The following R3HCC1L variants were observed in gnomAD, a reference collection of about 807,000 sequenced individuals.
R3HCC1L encodes the protein coiled-coil domain-containing protein R3HCC1L.
In R3HCC1L, 51 loss-of-function variants were observed where a neutral mutation model predicts 59.9. The ratio of observed to expected loss-of-function variants is 0.85; its 90% confidence interval spans 0.68 to 1.07. The LOEUF is 1.07. R3HCC1L is among the 50% of genes least tolerant of loss of function. The pLI is 0.00. For missense variants in R3HCC1L, 965 were observed against 933.0 expected (o/e 1.03, Z -0.45); for synonymous variants, 322 against 315.2 (o/e 1.02, Z -0.23).
At chr10:98,202,545 G>A (rs966787390) in intron 4 of R3HCC1L, among the ~76,000 whole-genome samples, 6 of 152,048 alleles carry the variant, frequency 3.9e-5, no homozygotes, top group African/African-American at 1.4e-4. Flanking sequence ...CTTACATAAG[G>A]AGCATTCTCT....
intron 9 of R3HCC1L, 95 bp downstream of exon 9, chr10:98,236,259 G>A: frequency 6.8e-7 from 1 of 1,479,420 alleles, no homozygotes; most frequent in Non-Finnish European, 9.1e-7. Context: ...TTCCATTTTT[G>A]TCGTTTCTGT....
At chr10:98,191,916 G>A (rs948749202) in intron 4 of R3HCC1L, among the ~76,000 whole-genome samples, 6 of 151,928 alleles carry the variant, frequency 3.9e-5, no homozygotes, top group Admixed American at 6.6e-5. Context: ...CCTCTGCCTC[G>A]CGGGTTCAAG....
intron 1 of R3HCC1L, among the ~76,000 whole-genome samples, chr10:98,143,388 G>A (rs10736122): frequency 0.4 from 60,228 of 152,040 alleles, 12,459 homozygotes; most frequent in South Asian, 0.57. Flanking sequence ...TTGATCCTTC[G>A]TGTGAGAACC....
chr10:98,226,510 C>T (rs1206689055), intron 5 of R3HCC1L, among the ~76,000 whole-genome samples: 2 of 152,188 alleles, frequency 1.3e-5, no homozygotes, highest in Non-Finnish European at 2.9e-5. Context: ...AGTGCAATCC[C>T]AGCTGCCTGG....
intron 1 of R3HCC1L, among the ~76,000 whole-genome samples, chr10:98,140,167 A>G (rs780874800): frequency 1.3e-5 from 2 of 152,112 alleles, no homozygotes; most frequent in Non-Finnish European, 1.5e-5. Flanking sequence ...GTTCTTTGCC[A>G]TGGAATGCCA....
intron 4 of R3HCC1L, among the ~76,000 whole-genome samples, chr10:98,170,829 A>C (rs565777022): frequency 6.6e-6 from 1 of 152,300 alleles, no homozygotes; most frequent in South Asian, 2.1e-4. Flanking sequence ...TTGCTCTCTG[A>C]TTCTGCTTTC....
At chr10:98,192,905 A>G (rs1851012545) in intron 4 of R3HCC1L, among the ~76,000 whole-genome samples, 1 of 152,172 alleles carries the variant, frequency 6.6e-6, no homozygotes. Context: ...GATGAATTCA[A>G]TAAGACATTA....
chr10:98,142,974 A>T (rs1012394867), intron 1 of R3HCC1L, among the ~76,000 whole-genome samples: 41 of 152,176 alleles, frequency 2.7e-4, no homozygotes, highest in African/African-American at 9.6e-4. Context: ...AAAACAAAAA[A>T]AAAACAGAAG....
chr10:98,204,079 A>C (rs953541069), intron 4 of R3HCC1L, among the ~76,000 whole-genome samples: 1 of 152,224 alleles, frequency 6.6e-6, no homozygotes, highest in African/African-American at 2.4e-5. Flanking sequence ...AAAAGCACTT[A>C]GAACATTGCG....
chr10:98,183,355 G>T (rs1590604487), intron 4 of R3HCC1L, among the ~76,000 whole-genome samples: 2 of 142,344 alleles, frequency 1.4e-5, no homozygotes, highest in Non-Finnish European at 1.5e-5. Flanking sequence ...TTTAAACTCT[G>T]GCAGCCTTCA....
rs142754232 is a variant in R3HCC1L at position 98,210,601 on chromosome 10, T to G, written c.1785+702T>G. Among the ~76,000 whole-genome samples the G allele has an allele frequency of 3.2e-4, 49 of 152,284 alleles. 2 individuals are homozygous for G. In the East Asian group the frequency reaches 9.5e-3, roughly 29 times the overall value. On this transcript the variant is annotated intron_variant, in intron 5 of 9. Transcript: ENST00000298999. ...TCACTGGTTTTAAGTAGTAGAACAC[T>G]CCCTCTTTCCTTCCCTATAGTGGGT...
chr10:98,135,753 C>A (rs1844508087), intron 1 of R3HCC1L, among the ~76,000 whole-genome samples: 1 of 152,176 alleles, frequency 6.6e-6, no homozygotes, highest in East Asian at 1.9e-4. Flanking sequence ...TTCCTCAGCA[C>A]ACACAACTAT....
At chr10:98,221,987 G>T (rs938497161) in intron 5 of R3HCC1L, among the ~76,000 whole-genome samples, 1 of 152,106 alleles carries the variant, frequency 6.6e-6, no homozygotes, top group African/African-American at 2.4e-5. Context: ...CCATTTTCTC[G>T]ATATTGATTC....
At chr10:98,151,571 C>T (rs762557293) in intron 1 of R3HCC1L, among the ~76,000 whole-genome samples, 4 of 152,064 alleles carry the variant, frequency 2.6e-5, no homozygotes, top group Non-Finnish European at 4.4e-5. Flanking sequence ...ATAATTATGT[C>T]GCATGCTAGT....
At position 98,244,511 on chromosome 10, in the gene R3HCC1L, G is replaced by A. The variant is rs544535655; in HGVS notation, c.*353G>A. The stretch of plus-strand genomic sequence containing the variant: ...CAAAACAGAACAGAGGATTCAAACC[G>A]CAAGTATGGGAGATTTAGGCCCTGC... On this transcript the variant is annotated 3_prime_UTR_variant, in exon 10 of 10. Coordinates refer to ENST00000298999, the MANE Select transcript of R3HCC1L (RefSeq NM_001351015.2). 4.5e-5 allele frequency: 9 copies of A among 198,540 alleles called. No individual in the cohort carries two copies. Among genetic ancestry groups the A allele is most frequent in the South Asian group, 2.0e-4 (2 of 10,166 alleles). The allele number at this position is 198,540 out of a possible 1,614,324, so 12.3% of individuals were successfully genotyped here.
At chr10:98,165,307 A>G (rs974130957) in intron 4 of R3HCC1L, among the ~76,000 whole-genome samples, 5 of 152,204 alleles carry the variant, frequency 3.3e-5, no homozygotes, top group Admixed American at 1.3e-4. Context: ...TCTATGTTCT[A>G]TTGATGAAAG....
rs755112924 is a variant in R3HCC1L at position 98,208,575 on chromosome 10, A to G, written c.461A>G (p.Asp154Gly). 1.5e-5 allele frequency: 25 copies of G among 1,613,998 alleles called. No homozygotes were observed. Among genetic ancestry groups the G allele is most frequent in the Non-Finnish European group, 2.0e-5 (24 of 1,180,010 alleles). ...GAGTGTTTGGAAGTTGAAACTACGG[A>G]TGTGACAGGACATGAGAGGATACTT... ...KVECLEVETT[D>G]VTGHERILLS... Residue 154 changes from aspartate to glycine, a missense_variant, in exon 5 of 10, where the codon GAT (aspartate) becomes GGT (glycine). Asp to Gly is a moderately conservative substitution (Grantham distance 94, BLOSUM62 -1). Transcript: ENST00000298999.
intron 1 of R3HCC1L, among the ~76,000 whole-genome samples, chr10:98,140,608 A>G (rs2133859876): frequency 6.6e-6 from 1 of 152,310 alleles, no homozygotes; most frequent in South Asian, 2.1e-4. Flanking sequence ...AGTGAATGTC[A>G]TGAGTAAGAT....
At chr10:98,214,977 A>G (rs140570756) in intron 5 of R3HCC1L, among the ~76,000 whole-genome samples, 34 of 152,308 alleles carry the variant, frequency 2.2e-4, no homozygotes, top group Non-Finnish European at 4.3e-4. Context: ...TAAGGTAACT[A>G]AGGCCCAGAA....
Sources: gnomAD v4.1 joint callset for allele counts (sites outside exome capture counted in the v4.1 genomes callset) on GRCh38, gnomAD v4.1.1 for gene constraint, MANE v1.5 for transcripts, NCBI Gene and HGNC (gene_info 2026-07-23, HGNC 2026-07-21) for gene names.